PPIL6: variants seen among roughly 807,000 people sequenced by gnomAD.
PPIL6 encodes probable inactive peptidyl-prolyl cis-trans isomerase-like 6.
A neutral mutation model predicts 36.8 loss-of-function variants in PPIL6; 39 were observed. The ratio of observed to expected loss-of-function variants is 1.06; its 90% CI spans 0.82 to 1.38. PPIL6 has a LOEUF of 1.38. PPIL6 is among the 40% of genes most tolerant of loss of function. The pLI, the probability that PPIL6 is intolerant of heterozygous loss-of-function variation, is 0.00. For synonymous variants in PPIL6, 123 were observed against 134.1 expected, an observed-to-expected ratio of 0.92 and a Z score of 0.57; for missense variants, 368 against 379.1, an observed-to-expected ratio of 0.97 and a Z score of 0.24.
intron 6 of PPIL6, among the ~76,000 whole-genome samples, chr6:109,416,547 G>A (rs1256123170): frequency 7.2e-6 from 1 of 137,982 alleles, no homozygotes; most frequent in Admixed American, 7.5e-5. Context: ...GGTCACTTTT[G>A]TCTGCCATAA....
At chr6:109,403,176 G>A (rs1772636005) in intron 6 of PPIL6, 2 of 1,188,706 alleles carry the variant, frequency 1.7e-6, no homozygotes, top group Non-Finnish European at 2.3e-6. Context: ...CATCTTGCTA[G>A]TTGTTCAGAC....
intron 1 of PPIL6, among the ~76,000 whole-genome samples, chr6:109,439,097 T>C (rs996640755): frequency 2.6e-5 from 4 of 152,076 alleles, no homozygotes; most frequent in African/African-American, 9.7e-5. Flanking sequence ...ATCTGGACTT[T>C]ACAGAAAAAA....
intron 1 of PPIL6, among the ~76,000 whole-genome samples, chr6:109,437,076 G>A (rs1421857006): frequency 3.3e-5 from 5 of 152,210 alleles, no homozygotes; most frequent in Non-Finnish European, 4.4e-5. Context: ...GTTTAGATAC[G>A]GAATATGTTC....
At position 109,431,112 on chromosome 6, in the gene PPIL6, G is replaced by A. The variant is rs559562625; in HGVS notation, c.420+45C>T. On this transcript the variant is annotated intron_variant, in intron 3 of 7. Coordinates refer to ENST00000521072, the MANE Select transcript of PPIL6 (RefSeq NM_173672.5). ...TAATTAATGCTGAATCAATATAAAG[G>A]GTCAAAGATTCCACAATTTTTCTTT... 8 of 1,342,916 alleles carry A rather than the reference G, an allele frequency of 6.0e-6. No individual in the cohort carries two copies. In the East Asian group the frequency reaches 1.9e-4, roughly 31 times the overall value. 83.2% of individuals were successfully genotyped at this position (1,342,916 alleles called of 1,614,324 possible).
At chr6:109,396,547 GAT>G (rs1772313460) in intron 7 of PPIL6, among the ~76,000 whole-genome samples, 2 of 152,086 alleles carry the variant, frequency 1.3e-5, no homozygotes, top group African/African-American at 4.8e-5. Flanking sequence ...TCCTAAAACT[GAT>G]TTGACTCATT....
chr6:109,414,419 T>A (rs1773148979), intron 6 of PPIL6, among the ~76,000 whole-genome samples: 1 of 152,110 alleles, frequency 6.6e-6, no homozygotes, highest in African/African-American at 2.4e-5. Context: ...CATGTTTTTT[T>A]CTAATTCTGA....
chr6:109,404,538 T>A (rs982379132), intron 6 of PPIL6, among the ~76,000 whole-genome samples: 3 of 152,242 alleles, frequency 2.0e-5, no homozygotes, highest in Non-Finnish European at 4.4e-5. Flanking sequence ...TGTTTTAACA[T>A]CTGTCTGCAC....
intron 6 of PPIL6, among the ~76,000 whole-genome samples, chr6:109,408,982 AC>A (rs1417494273): frequency 6.6e-6 from 1 of 152,192 alleles, no homozygotes. Context: ...CAAAATACTT[AC>A]AAACCAAATT....
At position 109,412,062 on chromosome 6, in the gene PPIL6, G is replaced by T. The variant is rs1455725098; in HGVS notation, c.688+7125C>A. On this transcript the variant is annotated intron_variant, in intron 6 of 7. Coordinates refer to ENST00000521072, the MANE Select transcript of PPIL6 (RefSeq NM_173672.5). ...CCAGGGCGAAAGCACCTTTCAATCA[G>T]ACCTGTCCATCAATGTGCCATGTCA... Among the ~76,000 whole-genome samples the T allele has an allele frequency of 3.3e-5, 5 of 152,206 alleles. No homozygotes were observed. The South Asian group carries it at 8.3e-4, about 25-fold the overall frequency.
chr6:109,430,191 A>T (rs539783652), intron 3 of PPIL6, among the ~76,000 whole-genome samples: 1 of 152,390 alleles, frequency 6.6e-6, no homozygotes, highest in East Asian at 1.9e-4. Flanking sequence ...CTCAGATCTT[A>T]GCATTGGCTC....
chr6:109,415,830 C>T (rs926875077), intron 6 of PPIL6, among the ~76,000 whole-genome samples: 2 of 152,160 alleles, frequency 1.3e-5, no homozygotes, highest in African/African-American at 4.8e-5. Flanking sequence ...CTGAATTAGA[C>T]ATGTTGTGTT....
intron 7 of PPIL6, among the ~76,000 whole-genome samples, chr6:109,394,370 CAAA>C (rs560635029): frequency 6.0e-5 from 3 of 50,298 alleles, no homozygotes; most frequent in African/African-American, 1.3e-4. Flanking sequence ...AGACTTATCT[CAAA>C]AAAAAAAAAA....
intron 6 of PPIL6, among the ~76,000 whole-genome samples, chr6:109,411,519 C>T (rs182495016): frequency 6.6e-6 from 1 of 152,324 alleles, no homozygotes; most frequent in Admixed American, 6.5e-5. Context: ...AACAAGCTAC[C>T]TGGTTACACA....
intron 7 of PPIL6, among the ~76,000 whole-genome samples, chr6:109,394,502 C>A (rs1324834157): frequency 6.6e-6 from 1 of 151,674 alleles, no homozygotes; most frequent in Non-Finnish European, 1.5e-5. Flanking sequence ...GGCAGAGAGA[C>A]AGGCCAAGAC....
At chr6:109,427,617 G>A (rs1228985031) in intron 3 of PPIL6, among the ~76,000 whole-genome samples, 2 of 152,098 alleles carry the variant, frequency 1.3e-5, no homozygotes, top group African/African-American at 4.8e-5. Context: ...GAACTCCTGA[G>A]CTCAAGGGAT....
At chr6:109,435,373 C>A (rs1488696058) in intron 2 of PPIL6, among the ~76,000 whole-genome samples, 1 of 150,366 alleles carries the variant, frequency 6.7e-6, no homozygotes, top group Non-Finnish European at 1.5e-5. Flanking sequence ...TCTTGGCTCA[C>A]TGCAACCTCC....
intron 5 of PPIL6, among the ~76,000 whole-genome samples, chr6:109,425,594 C>T (rs1773770761): frequency 1.3e-5 from 2 of 151,844 alleles, no homozygotes; most frequent in Admixed American, 1.3e-4. Flanking sequence ...TAAAAAAATA[C>T]AAAAATTAGC....
intron 7 of PPIL6, among the ~76,000 whole-genome samples, chr6:109,398,045 C>A (rs1475694186): frequency 6.6e-6 from 1 of 152,102 alleles, no homozygotes; most frequent in Non-Finnish European, 1.5e-5. Context: ...GTGTGTGCCA[C>A]CATGCCCAGC....
At chr6:109,398,174 G>A (rs1772380163) in intron 7 of PPIL6, among the ~76,000 whole-genome samples, 2 of 152,340 alleles carry the variant, frequency 1.3e-5, no homozygotes, top group South Asian at 2.1e-4. Context: ...ACAGGCGTGA[G>A]CCACCGCGTC....
Sources: allele counts gnomAD v4.1 joint callset (sites outside exome capture counted in the v4.1 genomes callset), GRCh38; gene constraint gnomAD v4.1.1; transcripts MANE v1.5; gene names NCBI Gene and HGNC (gene_info 2026-07-23, HGNC 2026-07-21).